The following AHCYL2 variants were observed in gnomAD, a reference collection of about 807,000 sequenced individuals.
AHCYL2 encodes the protein S-adenosylhomocysteine hydrolase-like protein 2.
A neutral mutation model predicts 81.4 loss-of-function variants in AHCYL2; 28 were observed. The observed-to-expected ratio is 0.34, with a 90% confidence interval of 0.25 to 0.47. AHCYL2 has a LOEUF of 0.47. AHCYL2 is among the 20% of genes least tolerant of loss of function. The pLI is 1.00. For synonymous variants in AHCYL2, 272 were observed against 290.2 expected (o/e 0.94, Z 0.64); for missense variants, 551 against 785.1 (o/e 0.70, Z 3.56).
At chr7:129,420,890 C>G (rs1797085924) in intron 12 of AHCYL2, among the ~76,000 whole-genome samples, 1 of 152,110 alleles carries the variant, frequency 6.6e-6, no homozygotes, top group South Asian at 2.1e-4. Flanking sequence ...AATGCAAACA[C>G]TACAAATATG....
intron 1 of AHCYL2, among the ~76,000 whole-genome samples, chr7:129,371,716 A>G (rs1233207187): frequency 6.6e-6 from 1 of 152,182 alleles, no homozygotes; most frequent in African/African-American, 2.4e-5. Context: ...CTGTGTTTCA[A>G]CATTTTAATA....
intron 1 of AHCYL2, chr7:129,375,700 G>A (rs1041527509): frequency 1.7e-5 from 25 of 1,438,942 alleles, no homozygotes; most frequent in Non-Finnish European, 2.0e-5. Context: ...TACTGCTGAA[G>A]GGGTTGTTGG....
intron 1 of AHCYL2, among the ~76,000 whole-genome samples, chr7:129,238,042 T>C (rs1286002018): frequency 6.6e-6 from 1 of 151,958 alleles, no homozygotes; most frequent in East Asian, 1.9e-4. Context: ...TTTAAGGCCT[T>C]GTCAGGAATT....
intron 10 of AHCYL2, among the ~76,000 whole-genome samples, chr7:129,408,389 G>C (rs765137410): frequency 6.6e-6 from 1 of 152,168 alleles, no homozygotes; most frequent in Non-Finnish European, 1.5e-5. Flanking sequence ...AAGAAAAAGA[G>C]TCACCCAGAT....
intron 3 of AHCYL2, 84 bp from the exon 4 acceptor site, chr7:129,389,550 C>T (rs1541711): frequency 0.35 from 397,040 of 1,149,728 alleles, 72,770 homozygotes; most frequent in East Asian, 0.59. Flanking sequence ...AGGATCTTAA[C>T]TTAAGAAAAC....
chr7:129,262,876 T>TGG (rs1466007515), intron 1 of AHCYL2, among the ~76,000 whole-genome samples: 3 of 152,054 alleles, frequency 2.0e-5, no homozygotes. Flanking sequence ...GACATGAAAA[T>TGG]GGAGGGTAAA....
At chr7:129,370,592 G>A (rs1794355312) in intron 1 of AHCYL2, among the ~76,000 whole-genome samples, 1 of 152,212 alleles carries the variant, frequency 6.6e-6, no homozygotes, top group African/African-American at 2.4e-5. Context: ...CAGCTACTCT[G>A]GAGGCTGAGG....
Position 129,409,476 on chromosome 7 carries a change from T to C in AHCYL2, c.1296T>C (p.Cys432=), listed in dbSNP as rs777307402. ...AATGGGTCATGCTTTATTTCAACAG[T>C]ATGGATGGATTTCGACTGGTGAAAT... ...EIDPICALQA[C]MDGFRLVKLN... Residue 432 remains cysteine, a splice_region_variant and synonymous_variant, in exon 11 of 17, where the codon TGT becomes TGC. Transcript: ENST00000325006. 1.9e-6 allele frequency: 3 copies of C among 1,613,578 alleles called. No homozygotes were observed. The East Asian group carries it at 6.7e-5, about 36-fold the overall frequency.
chr7:129,422,969 C>T (rs1001129965), intron 13 of AHCYL2, 31 bp downstream of exon 13: 11 of 1,599,474 alleles, frequency 6.9e-6, no homozygotes, highest in Non-Finnish European at 8.6e-6. Flanking sequence ...AATACTCCCC[C>T]ACAACAGGAG....
intron 11 of AHCYL2, chr7:129,410,035 C>T: frequency 1.1e-6 from 1 of 921,650 alleles, no homozygotes; most frequent in Non-Finnish European, 1.6e-6. Flanking sequence ...TGCAAGCACT[C>T]AATTCTCTAA....
intron 1 of AHCYL2, among the ~76,000 whole-genome samples, chr7:129,369,942 G>A (rs1425737902): frequency 1.3e-5 from 2 of 152,116 alleles, no homozygotes; most frequent in African/African-American, 4.8e-5. Flanking sequence ...ATTAATGGAA[G>A]GATTTATGTA....
chr7:129,225,359 C>G lies in AHCYL2; in HGVS notation c.283C>G (p.His95Asp). The G allele has an allele frequency of 6.6e-7, 1 of 1,516,942 alleles. No individual in the cohort carries two copies. Among genetic ancestry groups the G allele is most frequent in the Non-Finnish European group, 8.8e-7 (1 of 1,138,712 alleles). The allele number at this position is 1,516,942 out of a possible 1,614,324, so 94.0% of individuals were successfully genotyped here. A position where few individuals can be genotyped will look rare whatever the true frequency, so the allele number is the denominator to read the frequency against. The part of the protein sequence containing the change: ...AMKRSDPHHQ[H>D]QRHRDGGEAL... The stretch of plus-strand genomic sequence containing the variant: ...GAAGCGGAGCGACCCACATCACCAG[C>G]ACCAGCGGCACCGCGACGGCGGCGA... Residue 95 changes from histidine (H) to aspartate (D), a missense_variant, in exon 1 of 17, where the codon CAC (histidine) becomes GAC (aspartate). Physicochemically the swap from His to Asp is moderately conservative, Grantham distance 81 (BLOSUM62 -1). This residue lies in a region of AHCYL2 where 235 missense variants were observed against 242.1 expected (regional missense o/e 0.97). Coordinates refer to ENST00000325006, the MANE Select transcript of AHCYL2 (RefSeq NM_015328.4).
At chr7:129,362,599 T>G (rs1284877123) in intron 1 of AHCYL2, among the ~76,000 whole-genome samples, 2 of 55,700 alleles carry the variant, frequency 3.6e-5, no homozygotes, top group Admixed American at 1.7e-4. Context: ...GTTTTCTTGT[T>G]TTTTTTTTTT....
chr7:129,280,177 A>ATTTTTTTTTTT (rs1563179007), intron 1 of AHCYL2, among the ~76,000 whole-genome samples: 2 of 15,430 alleles, frequency 1.3e-4, no homozygotes, highest in Admixed American at 1.3e-3. Context: ...TTTGCTAAAT[A>ATTTTTTTTTTT]CTTTTTTTTT....
At chr7:129,225,725 C>A (rs1290789663) in intron 1 of AHCYL2, among the ~76,000 whole-genome samples, 1 of 152,134 alleles carries the variant, frequency 6.6e-6, no homozygotes, top group Non-Finnish European at 1.5e-5. Flanking sequence ...CCTAATAGTA[C>A]GTCCCGCGGC....
intron 1 of AHCYL2, among the ~76,000 whole-genome samples, chr7:129,353,225 G>A (rs1341815458): frequency 6.6e-6 from 1 of 152,170 alleles, no homozygotes; most frequent in Non-Finnish European, 1.5e-5. Flanking sequence ...TGGGATTACA[G>A]GGGTGAGCCA....
intron 2 of AHCYL2, among the ~76,000 whole-genome samples, chr7:129,384,193 T>C (rs1795096687): frequency 6.6e-6 from 1 of 150,934 alleles, no homozygotes; most frequent in Non-Finnish European, 1.5e-5. Context: ...TTTTCCTCCT[T>C]TATTTTTCTT....
At chr7:129,369,843 C>T (rs1045081676) in intron 1 of AHCYL2, among the ~76,000 whole-genome samples, 2 of 152,082 alleles carry the variant, frequency 1.3e-5, no homozygotes, top group Non-Finnish European at 2.9e-5. Context: ...TGAGCCACCA[C>T]GCTCAGTCTT....
Position 129,401,346 on chromosome 7 carries a change from C to CG in AHCYL2, c.918+962_918+963insG, listed in dbSNP as rs1001828458. On this transcript the variant is annotated intron_variant, in intron 6 of 16. Transcript: ENST00000325006. ...CCATGCCCCCATCCCAGTGCCCCCC[C>CG]CCAAAAAAGCTACACAAAGTATAAG... Among the ~76,000 whole-genome samples the CG allele has an allele frequency of 2.4e-4, 36 of 150,916 alleles. No homozygotes were observed. In the East Asian group the frequency reaches 4.9e-3, roughly 21 times the overall value.
Sources: allele counts gnomAD v4.1 joint callset (sites outside exome capture counted in the v4.1 genomes callset), GRCh38; gene constraint gnomAD v4.1.1; regional missense constraint gnomAD v4.1.1; transcripts MANE v1.5; gene names NCBI Gene and HGNC (gene_info 2026-07-23, HGNC 2026-07-21).